PCDHGB3: variants seen among roughly 807,000 people sequenced by gnomAD.
The protein encoded by PCDHGB3 is protocadherin gamma subfamily B, 3.
In PCDHGB3, 40 loss-of-function variants were observed where a neutral mutation model predicts 59.2. The observed-to-expected ratio is 0.68, with a 90% CI of 0.52 to 0.88. PCDHGB3 has a LOEUF of 0.88. PCDHGB3 is among the 40% of genes least tolerant of loss of function. The probability of loss-of-function intolerance (pLI) is 0.00; values close to 1 mark genes in which losing one functional copy is unlikely to be tolerated. For missense variants in PCDHGB3, 1,309 were observed against 1,187.9 expected (o/e 1.10, Z -1.50); for synonymous variants, 581 against 503.6 (o/e 1.15, Z -2.06).
rs570083634 is a variant in PCDHGB3, at chr5:141,427,859, C to G, written c.2415+55050C>G. 25 of 1,556,390 alleles carry G rather than the reference C, an allele frequency of 1.6e-5. No homozygotes were observed. The Admixed American group carries it at 2.0e-4, about 13-fold the overall frequency. ...CCTTCGACCACGAGCAGCTGTGCGC[C>G]TTCGAGCTCACGATGCAGGCCCACG... On this transcript the variant is annotated intron_variant, in intron 1 of 3. Coordinates refer to ENST00000576222, the MANE Select transcript of PCDHGB3 (RefSeq NM_018924.5).
chr5:141,476,157 G>A lies in PCDHGB3; in HGVS notation c.2416-18650G>A. On this transcript the variant is annotated intron_variant, in intron 1 of 3. Transcript: ENST00000576222. The surrounding 1 kb of genome is among the most constrained non-coding windows in gnomAD (Gnocchi z 7.6). ...TGGAGGAGCGGACTGGTAAGCACCG[G>A]GAGGGTAGTGGGAGTTTTGCTTCTG... 1 of 1,612,752 alleles carries A rather than the reference G, an allele frequency of 6.2e-7. No homozygotes were observed. Among genetic ancestry groups the A allele is most frequent in the Non-Finnish European group, 8.5e-7 (1 of 1,179,898 alleles).
rs2149992111 is a variant in PCDHGB3 at position 141,371,797 on chromosome 5, G to A, written c.1403G>A (p.Gly468Glu). Residue 468 changes from glycine (G) to glutamate (E), a missense_variant, in exon 1 of 4, where the codon GGA (glycine) becomes GAA (glutamate). Gly to Glu is a moderately conservative substitution (Grantham distance 98). Transcript: ENST00000576222. ...TVHVAENNPP[G>E]ASIAHVRASD... ...CATGTAGCTGAGAACAATCCGCCTG[G>A]AGCCTCCATTGCGCATGTCAGAGCC... 1.9e-6 allele frequency: 3 copies of A among 1,613,898 alleles called. No homozygotes were observed. In the East Asian group the frequency reaches 6.7e-5, roughly 36 times the overall value.
intron 1 of PCDHGB3, among the ~76,000 whole-genome samples, chr5:141,381,529 A>G (rs530526235): frequency 3.3e-5 from 5 of 152,212 alleles, no homozygotes; most frequent in Non-Finnish European, 5.9e-5. Context: ...TTTGAATTGC[A>G]TACTAGGATG....
chr5:141,418,006 C>T, intron 1 of PCDHGB3: 7 of 1,613,896 alleles, frequency 4.3e-6, no homozygotes, highest in Non-Finnish European at 5.9e-6. Flanking sequence ...TGGTGGGGAA[C>T]CTCGCTAAGG....
Position 141,485,548 on chromosome 5 carries a change from T to C in PCDHGB3, c.2416-9259T>C, listed in dbSNP as rs749739126. ...ACCGAGCAGAGGTAGAGATCGTAGA[T>C]GTGAATGATCACGCCCCCCGTTTTC... On this transcript the variant is annotated intron_variant, in intron 1 of 3. Transcript: ENST00000576222. This position sits in a 1 kb window ranked among gnomAD's most constrained non-coding sequence, Gnocchi z 5.7. The C allele has an allele frequency of 3.1e-6, 5 of 1,614,040 alleles. No homozygotes were observed. The highest frequency in any genetic ancestry group is 3.4e-6 in the Non-Finnish European group (4 of 1,179,942).
At chr5:141,382,364 T>C (rs919179170) in intron 1 of PCDHGB3, among the ~76,000 whole-genome samples, 3 of 152,264 alleles carry the variant, frequency 2.0e-5, no homozygotes, top group African/African-American at 7.2e-5. Flanking sequence ...AAATAAAATT[T>C]ACCTTTTTGC....
chr5:141,390,164 G>A (rs370376667), intron 1 of PCDHGB3: 200 of 1,613,888 alleles, frequency 1.2e-4, no homozygotes, highest in Non-Finnish European at 1.6e-4. Context: ...CAGGAAAGAC[G>A]GAGTTTAATT....
intron 1 of PCDHGB3, chr5:141,410,195 G>A (rs769655902): frequency 1.1e-5 from 18 of 1,613,966 alleles, no homozygotes; most frequent in Non-Finnish European, 1.0e-5. Context: ...TCTGGTCTTC[G>A]CAGACAACTT....
chr5:141,450,568 C>A (rs2098685790), intron 1 of PCDHGB3, among the ~76,000 whole-genome samples: 1 of 152,002 alleles, frequency 6.6e-6, no homozygotes. Flanking sequence ...CTCACTGCAA[C>A]TTCTGCCTCC....
rs1440733700 is a variant in PCDHGB3 at position 141,441,803 on chromosome 5, G to A, written c.2416-53004G>A. 249 of 383,164 alleles carry A rather than the reference G, an allele frequency of 6.5e-4. 2 individuals carry two copies. Among genetic ancestry groups the A allele is most frequent in the African/African-American group, 4.8e-3 (220 of 45,902 alleles). The allele number at this position is 383,164 out of a possible 1,614,324, so 23.7% of individuals were successfully genotyped here. The stretch of plus-strand genomic sequence containing the variant: ...ACCTGAATGACAACGCACCGCGGGT[G>A]CTGTACCCCAGCTCTGGAGCGCAAT... On this transcript the variant is annotated intron_variant, in intron 1 of 3. Coordinates refer to ENST00000576222, the MANE Select transcript of PCDHGB3 (RefSeq NM_018924.5).
chr5:141,371,043 G>T lies in PCDHGB3; in HGVS notation c.649G>T (p.Gly217Trp). 1.2e-6 allele frequency: 2 copies of T among 1,613,966 alleles called. No homozygotes were observed. The highest frequency in any genetic ancestry group is 1.7e-6 in the Non-Finnish European group (2 of 1,179,870). Residue 217 changes from glycine to tryptophan, a missense_variant, in exon 1 of 4, where the codon GGG becomes TGG. Gly to Trp is a radical substitution (Grantham distance 184). Transcript: ENST00000576222. ...CCACCTGGTCCTCACAGCTGTGGAT[G>T]GGGGCGAGCCCTCCAGAAGCTGTAC... is the stretch of plus-strand genomic sequence containing the variant. ...HHHLVLTAVDGGEPSRSCTTQ... is the reference protein window; with the variant it reads ...HHHLVLTAVDWGEPSRSCTTQ...
intron 1 of PCDHGB3, chr5:141,385,052 G>T (rs559398944): frequency 1.2e-6 from 2 of 1,614,152 alleles, no homozygotes; most frequent in South Asian, 2.2e-5. Context: ...AGGCTGCGGC[G>T]CTGGCACAAG....
chr5:141,421,997 G>A, intron 1 of PCDHGB3: 1 of 1,609,178 alleles, frequency 6.2e-7, no homozygotes. Flanking sequence ...GAAAACATCA[G>A]CTCCGGAACT....
intron 1 of PCDHGB3, chr5:141,399,207 A>T (rs771939823): frequency 1.2e-6 from 2 of 1,613,992 alleles, no homozygotes; most frequent in South Asian, 2.2e-5. Flanking sequence ...TGCCTGGAAC[A>T]CTAATTGCTT....
intron 1 of PCDHGB3, chr5:141,415,308 C>G (rs2154545628): frequency 6.2e-7 from 1 of 1,614,236 alleles, no homozygotes; most frequent in Non-Finnish European, 8.5e-7. Context: ...TCCTGGCCTT[C>G]GTCATCGTGC....
At position 141,485,062 on chromosome 5, in the gene PCDHGB3, C is replaced by A; in HGVS notation, c.2416-9745C>A. 1 of 876,340 alleles carries A rather than the reference C, an allele frequency of 1.1e-6. No individual in the cohort carries two copies. Among genetic ancestry groups the A allele is most frequent in the African/African-American group, 1.7e-5 (1 of 59,510 alleles). The allele number at this position is 876,340 out of a possible 1,614,324, so 54.3% of individuals were successfully genotyped here. On this transcript the variant is annotated intron_variant, in intron 1 of 3. Coordinates refer to ENST00000576222, the MANE Select transcript of PCDHGB3 (RefSeq NM_018924.5). This position sits in a 1 kb window ranked among gnomAD's most constrained non-coding sequence, Gnocchi z 5.7. ...CCTTGCGGCGCCGGCCGAACCGCGC[C>A]AGAGCTGGCGCGGGGAAAGGGAGAT...
At chr5:141,430,425 A>G (rs1298131518) in intron 1 of PCDHGB3, among the ~76,000 whole-genome samples, 3 of 152,076 alleles carry the variant, frequency 2.0e-5, no homozygotes, top group Non-Finnish European at 4.4e-5. Context: ...TAAAGCGAAT[A>G]CGGTAGATTT....
Position 141,476,745 on chromosome 5 carries a change from T to C in PCDHGB3, c.2416-18062T>C, listed in dbSNP as rs1372622323. 6.2e-7 allele frequency: 1 copy of C among 1,613,958 alleles called. No individual in the cohort carries two copies. On this transcript the variant is annotated intron_variant, in intron 1 of 3. Coordinates refer to ENST00000576222, the MANE Select transcript of PCDHGB3 (RefSeq NM_018924.5). This position sits in a 1 kb window ranked among gnomAD's most constrained non-coding sequence, Gnocchi z 7.6. The stretch of plus-strand genomic sequence containing the variant: ...CTGGACCGAGAACGGGAGCCTAGTC[T>C]CCAGTTAGTGCTGACGGCGTTGGAC...
Position 141,431,877 on chromosome 5 carries a change from AC to A in PCDHGB3, c.2415+59070del. 1 of 1,614,230 alleles carries A rather than the reference AC, an allele frequency of 6.2e-7. No individual in the cohort carries two copies. The highest frequency in any genetic ancestry group is 1.3e-5 in the African/African-American group (1 of 75,070). ...TTAATTGCCCTTTTAAATGTAAATGACCAAGATTCTGAGGAAAACGGACAGG... is the reference window on the plus strand; with the variant it reads ...TTAATTGCCCTTTTAAATGTAAATGACAAGATTCTGAGGAAAACGGACAGG... On this transcript the variant is annotated intron_variant, in intron 1 of 3. Coordinates refer to ENST00000576222, the MANE Select transcript of PCDHGB3 (RefSeq NM_018924.5). The surrounding 1 kb of genome is among the most constrained non-coding windows in gnomAD (Gnocchi z 4.8).
Sources: allele counts gnomAD v4.1 joint callset (sites outside exome capture counted in the v4.1 genomes callset), GRCh38; gene constraint gnomAD v4.1.1; non-coding constraint Gnocchi (gnomAD v3.1); transcripts MANE v1.5; gene names NCBI Gene and HGNC (gene_info 2026-07-23, HGNC 2026-07-21).